Variants in HDAC9 observed in about 807,000 individuals in gnomAD.
HDAC9 encodes histone deacetylase 9.
Under a neutral mutation model 139.4 loss-of-function variants are expected in HDAC9, and 41 were observed. That is an observed-to-expected ratio of 0.29 (90% CI 0.23 to 0.38). The LOEUF is 0.38. HDAC9 is among the 10% of genes least tolerant of loss of function. The pLI is 1.00. For synonymous variants in HDAC9, 517 were observed against 476.2 expected, an observed-to-expected ratio of 1.09 and a Z score of -1.12; for missense variants, 1,147 against 1,297.0, an observed-to-expected ratio of 0.88 and a Z score of 1.78.
intron 2 of HDAC9, among the ~76,000 whole-genome samples, chr7:18,220,251 T>A (rs1393234052): frequency 6.6e-6 from 1 of 152,172 alleles, no homozygotes; most frequent in Non-Finnish European, 1.5e-5. Context: ...AAATATTTAT[T>A]TTTTGCACCA....
At chr7:18,229,273 TACATGG>T (rs1206839805) in intron 2 of HDAC9, among the ~76,000 whole-genome samples, 2 of 152,216 alleles carry the variant, frequency 1.3e-5, no homozygotes, top group Non-Finnish European at 2.9e-5. Context: ...GTGTCACATA[TACATGG>T]TGTGGTAACG....
chr7:18,563,167 G>T (rs1470005825), intron 2 of HDAC9, among the ~76,000 whole-genome samples: 1 of 152,010 alleles, frequency 6.6e-6, no homozygotes, highest in Admixed American at 6.5e-5. Context: ...AAATGATGTT[G>T]CCCACTGACT....
chr7:18,259,023 G>T (rs2128205466), intron 2 of HDAC9, among the ~76,000 whole-genome samples: 1 of 140,414 alleles, frequency 7.1e-6, no homozygotes, highest in South Asian at 2.2e-4. Flanking sequence ...AGGCTGGAGT[G>T]CAGTGGCATG....
chr7:18,185,392 G>C (rs554441992), intron 2 of HDAC9, among the ~76,000 whole-genome samples: 1 of 152,128 alleles, frequency 6.6e-6, no homozygotes, highest in African/African-American at 2.4e-5. Context: ...TAATGTTGAG[G>C]ACTGCTATTA....
At chr7:18,929,645 G>T (rs187541440) in intron 22 of HDAC9, among the ~76,000 whole-genome samples, 1 of 152,062 alleles carries the variant, frequency 6.6e-6, no homozygotes, top group Non-Finnish European at 1.5e-5. Context: ...CTTTTAAAAA[G>T]TATCTGACAC....
intron 1 of HDAC9, among the ~76,000 whole-genome samples, chr7:18,392,902 G>T (rs1786665901): frequency 7.2e-6 from 1 of 138,688 alleles, no homozygotes; most frequent in Middle Eastern, 4.0e-3. Context: ...TGTGAATGTA[G>T]GTCTGGCCAT....
At chr7:18,409,973 GTATTCGTTT>G (rs1788388067) in intron 1 of HDAC9, among the ~76,000 whole-genome samples, 1 of 152,006 alleles carries the variant, frequency 6.6e-6, no homozygotes, top group South Asian at 2.1e-4. Flanking sequence ...ACAATAGAAA[GTATTCGTTT>G]TATTTTAAAT....
intron 22 of HDAC9, chr7:18,892,072 A>G (rs1234358221): frequency 6.6e-6 from 1 of 152,186 alleles, no homozygotes; most frequent in Non-Finnish European, 1.5e-5. Flanking sequence ...CAAGAAAAGA[A>G]TGAAAAAGAA....
chr7:18,889,392 A>G (rs2129267199), intron 22 of HDAC9, among the ~76,000 whole-genome samples: 1 of 152,134 alleles, frequency 6.6e-6, no homozygotes, highest in Middle Eastern at 3.4e-3. Flanking sequence ...CACCTCAGCT[A>G]TTGTCTAGGC....
chr7:18,175,455 T>C (rs1489851321), intron 2 of HDAC9, among the ~76,000 whole-genome samples: 1 of 152,166 alleles, frequency 6.6e-6, no homozygotes, highest in Non-Finnish European at 1.5e-5. Context: ...TCACCCTCCA[T>C]GGGCTGTACC....
At chr7:18,788,828 C>T (rs1007710429) in intron 16 of HDAC9, among the ~76,000 whole-genome samples, 3 of 151,060 alleles carry the variant, frequency 2.0e-5, no homozygotes, top group African/African-American at 7.3e-5. Flanking sequence ...TTACCTGAAA[C>T]ATTTTTCTCT....
intron 16 of HDAC9, among the ~76,000 whole-genome samples, chr7:18,778,311 A>G (rs1790954471): frequency 6.6e-6 from 1 of 152,010 alleles, no homozygotes; most frequent in Admixed American, 6.6e-5. Flanking sequence ...AAAATTACAC[A>G]GCTATACATA....
chr7:18,646,965 C>G (rs1175046565), intron 9 of HDAC9, among the ~76,000 whole-genome samples: 1 of 152,000 alleles, frequency 6.6e-6, no homozygotes, highest in East Asian at 1.9e-4. Context: ...ATGTTTAAAT[C>G]AAATTTCTGC....
At chr7:18,764,274 A>T (rs1195243077) in intron 15 of HDAC9, among the ~76,000 whole-genome samples, 1 of 152,166 alleles carries the variant, frequency 6.6e-6, no homozygotes, top group Non-Finnish European at 1.5e-5. Context: ...TGAACATATG[A>T]TGTGAAATAA....
intron 12 of HDAC9, among the ~76,000 whole-genome samples, chr7:18,671,383 C>A (rs1753539442): frequency 6.6e-6 from 1 of 151,916 alleles, no homozygotes; most frequent in African/African-American, 2.4e-5. Flanking sequence ...CTTTTTCAAG[C>A]CTTTTGAAGA....
At chr7:18,831,930 T>G (rs1214480752) in intron 19 of HDAC9, among the ~76,000 whole-genome samples, 1 of 152,220 alleles carries the variant, frequency 6.6e-6, no homozygotes, top group Non-Finnish European at 1.5e-5. Context: ...TTTCAGCATT[T>G]TTATATGTTT....
intron 2 of HDAC9, among the ~76,000 whole-genome samples, chr7:18,574,586 G>A (rs1171066612): frequency 6.6e-6 from 1 of 152,154 alleles, no homozygotes; most frequent in African/African-American, 2.4e-5. Flanking sequence ...GCCTCCTGCC[G>A]CCATCAGTCA....
intron 1 of HDAC9, among the ~76,000 whole-genome samples, chr7:18,418,788 C>A (rs1006008066): frequency 4.6e-5 from 7 of 151,320 alleles, no homozygotes; most frequent in African/African-American, 7.3e-5. Flanking sequence ...TCTTTTCATT[C>A]ATTAACTGGC....
intron 1 of HDAC9, among the ~76,000 whole-genome samples, chr7:18,331,170 GT>G (rs943771686): frequency 6.6e-6 from 1 of 151,680 alleles, no homozygotes; most frequent in African/African-American, 2.4e-5. Flanking sequence ...CTTAGCTTTT[GT>G]TTTAATTGTT....
Sources: gnomAD v4.1 joint callset for allele counts (sites outside exome capture counted in the v4.1 genomes callset) on GRCh38, gnomAD v4.1.1 for gene constraint, MANE v1.5 for transcripts, NCBI Gene and HGNC (gene_info 2026-07-23, HGNC 2026-07-21) for gene names.